The following HTR4 variants were observed in gnomAD, a reference collection of about 807,000 sequenced individuals.
HTR4 encodes 5-hydroxytryptamine receptor 4.
A neutral mutation model predicts 36.8 loss-of-function variants in HTR4; 16 were observed. The observed-to-expected ratio is 0.43, with a 90% CI of 0.29 to 0.66. The LOEUF (loss-of-function observed/expected upper bound fraction) is 0.66, where lower values mean the gene tolerates loss of function less well. Ranked by LOEUF, HTR4 falls within the 30% of genes least tolerant of loss-of-function variation. The pLI, the probability that HTR4 is intolerant of heterozygous loss-of-function variation, is 0.13. For synonymous variants in HTR4, 189 were observed against 185.1 expected, an observed-to-expected ratio of 1.02 and a Z score of -0.17; for missense variants, 438 against 490.9, an observed-to-expected ratio of 0.89 and a Z score of 1.02.
chr5:148,645,287 T>C (rs924910860), intron 1 of HTR4: 4 of 152,212 alleles, frequency 2.6e-5, no homozygotes, highest in Non-Finnish European at 4.4e-5. Flanking sequence ...ACTACTCAAC[T>C]CTGCTGTGTA....
chr5:148,544,938 C>T (rs1179346993), intron 4 of HTR4, among the ~76,000 whole-genome samples: 1 of 152,238 alleles, frequency 6.6e-6, no homozygotes, highest in Non-Finnish European at 1.5e-5. Flanking sequence ...AAGGACATGG[C>T]ATACTGCCGG....
chr5:148,576,123 A>AC (rs1561629212), intron 2 of HTR4, among the ~76,000 whole-genome samples: 3 of 145,858 alleles, frequency 2.1e-5, no homozygotes, highest in African/African-American at 7.5e-5. Flanking sequence ...AAAAAAAAAA[A>AC]AAAAAAAAAA....
At chr5:148,616,605 A>C (rs560799518) in intron 2 of HTR4, among the ~76,000 whole-genome samples, 1 of 152,368 alleles carries the variant, frequency 6.6e-6, no homozygotes, top group South Asian at 2.1e-4. Flanking sequence ...ATTACAAAGC[A>C]ATACATGATC....
intron 2 of HTR4, among the ~76,000 whole-genome samples, chr5:148,590,282 C>CTTTTTTT (rs1561637446): frequency 1.3e-5 from 1 of 75,688 alleles, no homozygotes; most frequent in African/African-American, 4.9e-5. Flanking sequence ...TTTCTTTTTT[C>CTTTTTTT]TTTTCTTTTT....
At chr5:148,521,572 T>G (rs1315755219) in intron 5 of HTR4, among the ~76,000 whole-genome samples, 1 of 138,384 alleles carries the variant, frequency 7.2e-6, no homozygotes, top group Non-Finnish European at 1.7e-5. Flanking sequence ...GCTTGCTGAC[T>G]GTAGATCTTG....
At chr5:148,466,679 G>A (rs990433084) in intron 5 of HTR4, among the ~76,000 whole-genome samples, 1 of 152,194 alleles carries the variant, frequency 6.6e-6, no homozygotes, top group East Asian at 1.9e-4. Context: ...AGTACCCTCT[G>A]TCAGAGTGTT....
intron 5 of HTR4, among the ~76,000 whole-genome samples, chr5:148,457,507 G>T (rs1581331044): frequency 6.6e-6 from 1 of 152,002 alleles, no homozygotes; most frequent in East Asian, 1.9e-4. Context: ...GCCCAGGCTG[G>T]TATTATCAGG....
intron 6 of HTR4, among the ~76,000 whole-genome samples, chr5:148,485,452 TC>T (rs1756104662): frequency 6.6e-6 from 1 of 152,226 alleles, no homozygotes; most frequent in Non-Finnish European, 1.5e-5. Context: ...CTCTAGCATT[TC>T]TTTGTCCCAC....
At chr5:148,485,275 G>A (rs1756095184) in intron 6 of HTR4, among the ~76,000 whole-genome samples, 1 of 152,104 alleles carries the variant, frequency 6.6e-6, no homozygotes, top group African/African-American at 2.4e-5. Context: ...TGAGCTTCAG[G>A]GAGCATAAGT....
chr5:148,477,148 A>AT (rs1318641433), downstream of HTR4, among the ~76,000 whole-genome samples: 1 of 152,216 alleles, frequency 6.6e-6, no homozygotes, highest in African/African-American at 2.4e-5. Flanking sequence ...AGATAATGTC[A>AT]GTTGTAGAAA....
intron 2 of HTR4, among the ~76,000 whole-genome samples, chr5:148,601,379 C>T (rs1236032256): frequency 6.6e-6 from 1 of 152,084 alleles, no homozygotes; most frequent in African/African-American, 2.4e-5. Context: ...CGAAGAAATA[C>T]CTGCACTGTC....
At chr5:148,475,523 A>G (rs993010244), downstream of HTR4, among the ~76,000 whole-genome samples, 5 of 152,136 alleles carry the variant, frequency 3.3e-5, no homozygotes, top group Non-Finnish European at 5.9e-5. Context: ...AGTAGATACC[A>G]TTTTCCATGC....
At chr5:148,570,797 G>A (rs1321404589) in intron 2 of HTR4, among the ~76,000 whole-genome samples, 1 of 152,008 alleles carries the variant, frequency 6.6e-6, no homozygotes, top group Non-Finnish European at 1.5e-5. Flanking sequence ...AAAGAGAAGG[G>A]ACAAGAGTAT....
At chr5:148,605,988 A>T (rs1477709755) in intron 2 of HTR4, among the ~76,000 whole-genome samples, 1 of 152,188 alleles carries the variant, frequency 6.6e-6, no homozygotes, top group Non-Finnish European at 1.5e-5. Flanking sequence ...TAAATAAGGC[A>T]TGGCCATTGC....
chr5:148,631,628 A>G (rs1753324622), intron 2 of HTR4, among the ~76,000 whole-genome samples: 1 of 152,174 alleles, frequency 6.6e-6, no homozygotes, highest in Admixed American at 6.6e-5. Context: ...ACCAGTATTA[A>G]TCAACCCCAA....
intron 2 of HTR4, among the ~76,000 whole-genome samples, chr5:148,621,925 C>G (rs1180688337): frequency 6.6e-6 from 1 of 152,176 alleles, no homozygotes; most frequent in East Asian, 1.9e-4. Flanking sequence ...ACTGACAATA[C>G]TCAACATCAA....
At chr5:148,596,295 T>C (rs1348680624) in intron 2 of HTR4, among the ~76,000 whole-genome samples, 1 of 152,198 alleles carries the variant, frequency 6.6e-6, no homozygotes, top group African/African-American at 2.4e-5. Flanking sequence ...CAATTATCAC[T>C]ACCTCACTAA....
chr5:148,495,891 A>C (rs900185014), intron 6 of HTR4, among the ~76,000 whole-genome samples: 1 of 152,080 alleles, frequency 6.6e-6, no homozygotes, highest in African/African-American at 2.4e-5. Context: ...TCACGAGGTC[A>C]GGAGTTCGAG....
intron 5 of HTR4, among the ~76,000 whole-genome samples, chr5:148,456,174 G>A (rs1449561473): frequency 2.0e-5 from 3 of 152,142 alleles, no homozygotes; most frequent in African/African-American, 7.2e-5. Context: ...GGCTTATAAA[G>A]ACATACCCTG....
Sources: gnomAD v4.1 joint callset for allele counts (sites outside exome capture counted in the v4.1 genomes callset) on GRCh38, gnomAD v4.1.1 for gene constraint, MANE v1.5 for transcripts, NCBI Gene and HGNC (gene_info 2026-07-23, HGNC 2026-07-21) for gene names.